MYBL2: variants seen among roughly 807,000 people sequenced by gnomAD.
The protein encoded by MYBL2 is MYB proto-oncogene like 2, also known as myb-related protein B.
A neutral mutation model predicts 79.9 loss-of-function variants in MYBL2; 28 were observed. The ratio of observed to expected loss-of-function variants is 0.35; its 90% CI spans 0.26 to 0.48. The LOEUF is 0.48. MYBL2 is among the 20% of genes least tolerant of loss of function. The pLI, the probability that MYBL2 is intolerant of heterozygous loss-of-function variation, is 0.99. For synonymous variants in MYBL2, 378 were observed against 361.2 expected (o/e 1.05, Z -0.53); for missense variants, 735 against 893.9 (o/e 0.82, Z 2.27).
chr20:43,690,279 C>T (rs1987376314), intron 5 of MYBL2, among the ~76,000 whole-genome samples: 1 of 151,532 alleles, frequency 6.6e-6, no homozygotes. Flanking sequence ...GACCTCAGCT[C>T]ACTGCAACCT....
chr20:43,681,104 C>T (rs746852506), intron 2 of MYBL2, among the ~76,000 whole-genome samples: 11 of 152,144 alleles, frequency 7.2e-5, no homozygotes, highest in African/African-American at 2.2e-4. Flanking sequence ...TTCATGTTAT[C>T]GCGTGAATTG....
chr20:43,706,393 C>T (rs369634520), intron 9 of MYBL2, among the ~76,000 whole-genome samples: 1 of 152,152 alleles, frequency 6.6e-6, no homozygotes, highest in Non-Finnish European at 1.5e-5. Flanking sequence ...AATAAGTTTA[C>T]TTCCTTGGGT....
Position 43,716,077 on chromosome 20 carries a change from T to G in MYBL2, c.2093T>G (p.Ile698Ser), listed in dbSNP as rs61733921. ...LKPSHTSRTL[I>S]LS ...CCCAGCCACACATCTCGGACCCTCA[T>G]CTTGTCCTGAGGTGTTGAGGGTGTC... The change falls in exon 14 of 14, where the codon ATC (isoleucine) becomes AGC (serine). Residue 698 changes from isoleucine (I) to serine (S), a missense_variant. Physicochemically the swap from Ile to Ser is moderately radical, Grantham distance 142. Around this residue, in one of 5 missense-constraint regions of MYBL2, gnomAD observed 204 missense variants for 202.9 expected, o/e 1.01. Coordinates refer to ENST00000217026, the MANE Select transcript of MYBL2 (RefSeq NM_002466.4). 331 of 1,607,378 alleles carry G rather than the reference T, an allele frequency of 2.1e-4. 2 individuals are homozygous for G. In the African/African-American group the frequency reaches 4.0e-3, roughly 19 times the overall value.
At chr20:43,674,224 T>TAC (rs1555809907) in intron 2 of MYBL2, among the ~76,000 whole-genome samples, 11 of 58,224 alleles carry the variant, frequency 1.9e-4, no homozygotes, top group East Asian at 7.1e-4. Context: ...AATCTGTAAC[T>TAC]CCCCCCACCC....
intron 2 of MYBL2, among the ~76,000 whole-genome samples, chr20:43,677,733 G>A (rs1384739680): frequency 1.1e-4 from 17 of 148,922 alleles, no homozygotes; most frequent in African/African-American, 3.9e-4. Context: ...GGTGAGGGGC[G>A]CCTCTGCCCG....
intron 11 of MYBL2, 94 bp downstream of exon 11, chr20:43,711,695 C>T: frequency 8.7e-7 from 1 of 1,151,748 alleles, no homozygotes; most frequent in Non-Finnish European, 1.2e-6. Flanking sequence ...AAGTGAGGCG[C>T]TGGGGAGAAT....
intron 6 of MYBL2, among the ~76,000 whole-genome samples, 166 bp downstream of exon 6, chr20:43,692,485 T>G (rs1987437202): frequency 6.6e-6 from 1 of 152,248 alleles, no homozygotes; most frequent in Admixed American, 6.5e-5. Context: ...CTGGCACTTG[T>G]CTGCCTGCAG....
chr20:43,695,609 T>G (rs989102936), intron 6 of MYBL2, among the ~76,000 whole-genome samples: 4 of 152,044 alleles, frequency 2.6e-5, no homozygotes, highest in Non-Finnish European at 5.9e-5. Flanking sequence ...CCCAGCACTT[T>G]GTGAGGCCAA....
intron 7 of MYBL2, among the ~76,000 whole-genome samples, chr20:43,700,777 G>GT (rs929509790): frequency 6.6e-6 from 1 of 152,102 alleles, no homozygotes; most frequent in African/African-American, 2.4e-5. Flanking sequence ...TGTCATTTCT[G>GT]TTTTTTAGGT....
In MYBL2 at chr20:43,716,258, G is replaced by C. The variant is rs1988032009; in HGVS notation, c.*171G>C. The C allele has an allele frequency of 3.0e-6, 3 of 1,005,544 alleles. No individual in the cohort carries two copies. In the Admixed American group the frequency reaches 9.7e-5, roughly 32 times the overall value. The allele number at this position is 1,005,544 out of a possible 1,614,324, so 62.3% of individuals were successfully genotyped here. A position where few individuals can be genotyped will look rare whatever the true frequency, so the allele number is the denominator to read the frequency against. Reference sequence around the variant, plus strand: ...CAGGGCCATGTGCTGCCCTGTTGCCGAGCCCAGCTGTGGGCGGCTCCTGGT... The same window carrying C: ...CAGGGCCATGTGCTGCCCTGTTGCCCAGCCCAGCTGTGGGCGGCTCCTGGT... On this transcript the variant is annotated 3_prime_UTR_variant, in exon 14 of 14. Transcript: ENST00000217026.
At chr20:43,678,742 C>A (rs962245372) in intron 2 of MYBL2, among the ~76,000 whole-genome samples, 18 of 150,972 alleles carry the variant, frequency 1.2e-4, no homozygotes, top group African/African-American at 3.4e-4. Flanking sequence ...CCTGTAATCC[C>A]AGCAATTTGG....
At position 43,712,954 on chromosome 20, in the gene MYBL2, G is replaced by A. The variant is rs141013424; in HGVS notation, c.1720-48G>A. The A allele has an allele frequency of 8.1e-5, 118 of 1,450,704 alleles. No individual in the cohort carries two copies. The African/African-American group carries it at 1.6e-3, about 19-fold the overall frequency. 89.9% of individuals were successfully genotyped at this position (1,450,704 alleles called of 1,614,324 possible). A position where few individuals can be genotyped will look rare whatever the true frequency, so the allele number is the denominator to read the frequency against. On this transcript the variant is annotated intron_variant, in intron 11 of 13. Coordinates refer to ENST00000217026, the MANE Select transcript of MYBL2 (RefSeq NM_002466.4). ...CATGACCATCCAGGTGCTGACCATG[G>A]GGAATCCAGACACTCACCCTAACCC...
At chr20:43,677,719 G>A (rs1045568734) in intron 2 of MYBL2, among the ~76,000 whole-genome samples, 9 of 151,330 alleles carry the variant, frequency 5.9e-5, no homozygotes, top group Non-Finnish European at 1.3e-4. Flanking sequence ...CACCCCGTCC[G>A]GGAGGTGAGG....
Position 43,671,502 on chromosome 20 carries a change from C to T in MYBL2, c.21-2304C>T, listed in dbSNP as rs1396562092. On this transcript the variant is annotated intron_variant, in intron 1 of 13. Coordinates refer to ENST00000217026, the MANE Select transcript of MYBL2 (RefSeq NM_002466.4). Reference sequence around the variant, plus strand: ...TTTTTTTTTTTGTGAGATGGAGTTTCGCTCTTGTTGCCCAGGCTAGAGTGC... The same window carrying T: ...TTTTTTTTTTTGTGAGATGGAGTTTTGCTCTTGTTGCCCAGGCTAGAGTGC... 1.4e-4 allele frequency among the ~76,000 whole-genome samples: 14 copies of T among 97,182 alleles called. No homozygotes were observed. In the East Asian group the frequency reaches 3.7e-3, roughly 26 times the overall value. 63.8% of individuals were successfully genotyped at this position (97,182 alleles called of 152,430 possible). A position where few individuals can be genotyped will look rare whatever the true frequency, so the allele number is the denominator to read the frequency against.
intron 3 of MYBL2, 90 bp from the exon 4 acceptor site, chr20:43,682,704 T>C (rs1987173191): frequency 8.2e-7 from 1 of 1,217,338 alleles, no homozygotes; most frequent in Non-Finnish European, 1.2e-6. Context: ...TCCCAGGCCA[T>C]AGGCCCCTGA....
At chr20:43,676,597 T>A (rs1264847061) in intron 2 of MYBL2, among the ~76,000 whole-genome samples, 3 of 152,266 alleles carry the variant, frequency 2.0e-5, no homozygotes, top group Admixed American at 6.5e-5. Flanking sequence ...TTGCAGTTTT[T>A]GGCTATCGTG....
At chr20:43,713,338 A>C (rs79219455) in intron 12 of MYBL2, among the ~76,000 whole-genome samples, 1 of 150,954 alleles carries the variant, frequency 6.6e-6, no homozygotes, top group Non-Finnish European at 1.5e-5. Context: ...AAAAACATGC[A>C]TCTGGGTCTC....
intron 9 of MYBL2, 87 bp downstream of exon 9, chr20:43,705,445 G>C (rs1317165057): frequency 7.0e-7 from 1 of 1,429,862 alleles, no homozygotes; most frequent in Admixed American, 2.7e-5. Context: ...TGGAACAGTG[G>C]GGAGGGGGCA....
At chr20:43,709,701 G>C (rs1044121419) in intron 9 of MYBL2, among the ~76,000 whole-genome samples, 1 of 152,172 alleles carries the variant, frequency 6.6e-6, no homozygotes, top group Admixed American at 6.5e-5. Context: ...TTGTTTTCTG[G>C]AAAGTCCCAA....
Sources: gnomAD v4.1 joint callset for allele counts (sites outside exome capture counted in the v4.1 genomes callset) on GRCh38, gnomAD v4.1.1 for gene constraint, gnomAD v4.1.1 regional missense constraint, MANE v1.5 for transcripts, NCBI Gene and HGNC (gene_info 2026-07-23, HGNC 2026-07-21) for gene names.